Variants in NAA50 observed in about 807,000 individuals in gnomAD.
The protein encoded by NAA50 is N-alpha-acetyltransferase 50.
In NAA50, 7 loss-of-function variants were observed where a neutral mutation model predicts 20.7. The observed-to-expected ratio is 0.34, with a 90% CI of 0.19 to 0.63. The LOEUF (loss-of-function observed/expected upper bound fraction) is 0.63. NAA50 is among the 30% of genes least tolerant of loss of function. NAA50 has a pLI of 0.75. For synonymous variants in NAA50, 54 were observed against 70.6 expected (o/e 0.77, Z 1.18); for missense variants, 111 against 199.1 (o/e 0.56, Z 2.66).
chr3:113,727,577 C>T (rs961271309), intron 1 of NAA50, among the ~76,000 whole-genome samples: 1 of 150,558 alleles, frequency 6.6e-6, no homozygotes, highest in African/African-American at 2.4e-5. Context: ...CAATATTGAA[C>T]CATTAGGAAA....
chr3:113,739,038 G>A (rs1399089820), intron 1 of NAA50, among the ~76,000 whole-genome samples: 1 of 152,062 alleles, frequency 6.6e-6, no homozygotes, highest in East Asian at 1.9e-4. Context: ...AAAATGACCA[G>A]TAAAAATGGT....
intron 1 of NAA50, among the ~76,000 whole-genome samples, chr3:113,736,633 T>C (rs974454505): frequency 5.3e-5 from 8 of 152,196 alleles, no homozygotes; most frequent in Non-Finnish European, 1.2e-4. Flanking sequence ...AAACATTTAG[T>C]AGCAATATTC....
At chr3:113,727,022 G>A (rs1485178256) in intron 1 of NAA50, among the ~76,000 whole-genome samples, 7 of 152,148 alleles carry the variant, frequency 4.6e-5, no homozygotes, top group Non-Finnish European at 8.8e-5. Flanking sequence ...CAGTTCCTGA[G>A]CTCAAGTGAT....
At chr3:113,728,705 T>C (rs1268608865) in intron 1 of NAA50, among the ~76,000 whole-genome samples, 3 of 152,214 alleles carry the variant, frequency 2.0e-5, no homozygotes, top group African/African-American at 7.2e-5. Flanking sequence ...TCATTCAATC[T>C]TGTAGTTGTG....
intron 1 of NAA50, among the ~76,000 whole-genome samples, chr3:113,727,644 A>T (rs1343616035): frequency 4.6e-5 from 7 of 150,654 alleles, no homozygotes; most frequent in South Asian, 2.1e-4. Context: ...TTTTTTTTTT[A>T]AAGCACACCA....
intron 1 of NAA50, among the ~76,000 whole-genome samples, chr3:113,724,958 G>A (rs183844112): frequency 6.6e-6 from 1 of 152,202 alleles, no homozygotes; most frequent in Admixed American, 6.5e-5. Context: ...CTATCCCTGC[G>A]CAACTGTGAG....
Position 113,745,967 on chromosome 3 carries a change from G to A in NAA50, c.-18C>T, listed in dbSNP as rs1708492238. 1.2e-6 allele frequency: 2 copies of A among 1,606,146 alleles called. No individual in the cohort carries two copies. Among genetic ancestry groups the A allele is most frequent in the Non-Finnish European group, 1.7e-6 (2 of 1,179,482 alleles). On this transcript the variant is annotated 5_prime_UTR_variant, in exon 1 of 5. Transcript: ENST00000240922. The stretch of plus-strand genomic sequence containing the variant: ...CCTTTCATCTTCCCCGCCTGCTGAG[G>A]CCGTCGTTACCACCGATATCAACGC...
At chr3:113,722,620 A>C (rs1458777836) in intron 4 of NAA50, among the ~76,000 whole-genome samples, 2 of 152,178 alleles carry the variant, frequency 1.3e-5, no homozygotes, top group African/African-American at 4.8e-5. Context: ...TAGTATTAAT[A>C]GTCTTGAATT....
rs1265766612 is a variant in NAA50, at chr3:113,717,645, A to G, written c.*4115T>C. 6.6e-6 allele frequency: 1 copy of G among 152,192 alleles called. No homozygotes were observed. The highest frequency in any genetic ancestry group is 1.5e-5 in the Non-Finnish European group (1 of 68,054). The allele number at this position is 152,192 out of a possible 1,614,324, so 9.4% of individuals were successfully genotyped here. Reference sequence around the variant, plus strand: ...AAACTTCTATAGGCTTACTGTTCCTATTTGTGACTGTAGTATCCAATTTCC... The same window carrying G: ...AAACTTCTATAGGCTTACTGTTCCTGTTTGTGACTGTAGTATCCAATTTCC... On this transcript the variant is annotated 3_prime_UTR_variant, in exon 5 of 5. Coordinates refer to ENST00000240922, the MANE Select transcript of NAA50 (RefSeq NM_025146.4).
chr3:113,731,940 C>T lies in NAA50; in HGVS notation c.9-7845G>A, dbSNP rs183989342. ...GCTATGAATATTGCATAAAAGTCTG[C>T]GTGTGGACATACGCCTTAGTTTTTT... On this transcript the variant is annotated intron_variant, in intron 1 of 4. Transcript: ENST00000240922. 2.0e-5 allele frequency among the ~76,000 whole-genome samples: 3 copies of T among 152,200 alleles called. No individual in the cohort carries two copies. The East Asian group carries it at 5.8e-4, about 29-fold the overall frequency.
At chr3:113,742,362 A>G (rs1708429664) in intron 1 of NAA50, among the ~76,000 whole-genome samples, 1 of 151,826 alleles carries the variant, frequency 6.6e-6, no homozygotes, top group Non-Finnish European at 1.5e-5. Context: ...CCTGGGCTCA[A>G]GTGATCCTCC....
At position 113,722,009 on chromosome 3, in the gene NAA50, A is replaced by G. The variant is rs1056070380; in HGVS notation, c.333-72T>C. ...ATCAAGTTTTAAGCATTCTCCACAG[A>G]TAGCTCCAAACATCTGTTACATTCT... On this transcript the variant is annotated intron_variant, in intron 4 of 4. Coordinates refer to ENST00000240922, the MANE Select transcript of NAA50 (RefSeq NM_025146.4). 2.2e-6 allele frequency: 3 copies of G among 1,375,004 alleles called. No homozygotes were observed. The South Asian group carries it at 3.9e-5, about 18-fold the overall frequency. 85.2% of individuals were successfully genotyped at this position (1,375,004 alleles called of 1,614,324 possible).
At chr3:113,735,975 C>T (rs926173697) in intron 1 of NAA50, among the ~76,000 whole-genome samples, 2 of 152,218 alleles carry the variant, frequency 1.3e-5, no homozygotes, top group Non-Finnish European at 1.5e-5. Context: ...CGCAAGCCAC[C>T]GTGCCTGGCC....
At chr3:113,737,031 A>C (rs1473636342) in intron 1 of NAA50, among the ~76,000 whole-genome samples, 1 of 152,184 alleles carries the variant, frequency 6.6e-6, no homozygotes, top group Non-Finnish European at 1.5e-5. Context: ...CCCAAGAGAC[A>C]AATGTACCTA....
intron 1 of NAA50, among the ~76,000 whole-genome samples, chr3:113,727,139 T>C (rs1205098783): frequency 6.6e-6 from 1 of 152,236 alleles, no homozygotes; most frequent in Non-Finnish European, 1.5e-5. Flanking sequence ...GGATCACATC[T>C]TACCTACACT....
chr3:113,742,737 A>G (rs915668654), intron 1 of NAA50, among the ~76,000 whole-genome samples: 3 of 152,252 alleles, frequency 2.0e-5, no homozygotes, highest in East Asian at 1.9e-4. Context: ...AGTAGTCAAC[A>G]TTGTTCCATA....
At chr3:113,740,965 C>A in intron 1 of NAA50, 1 of 512,716 alleles carries the variant, frequency 2.0e-6, no homozygotes, top group Non-Finnish European at 3.9e-6. Context: ...TGAACTTTAC[C>A]GATGTTATCA....
rs1708090514 is a variant in NAA50, at chr3:113,718,428, T to C, written c.*3332A>G. 6.6e-6 allele frequency: 1 copy of C among 152,198 alleles called. No individual in the cohort carries two copies. Among genetic ancestry groups the C allele is most frequent in the East Asian group, 1.9e-4 (1 of 5,200 alleles). The allele number at this position is 152,198 out of a possible 1,614,324, so 9.4% of individuals were successfully genotyped here. A position where few individuals can be genotyped will look rare whatever the true frequency, so the allele number is the denominator to read the frequency against. ...ACTTGTTTGTTGTTTTAAACTACAG[T>C]AATAACTGAGACACACTAGACAAGG... On this transcript the variant is annotated 3_prime_UTR_variant, in exon 5 of 5. Transcript: ENST00000240922.
At position 113,743,826 on chromosome 3, in the gene NAA50, T is replaced by A. The variant is rs183085995; in HGVS notation, c.8+2116A>T. ...GGCCAGTTATTTCTAGGGATCTGCC[T>A]TCATCAGGTTACATGTAAATACCCA... is the stretch of plus-strand genomic sequence containing the variant. On this transcript the variant is annotated intron_variant, in intron 1 of 4. Coordinates refer to ENST00000240922, the MANE Select transcript of NAA50 (RefSeq NM_025146.4). Among the ~76,000 whole-genome samples, 3 of 152,338 alleles carry A rather than the reference T, an allele frequency of 2.0e-5. No homozygotes were observed. In the East Asian group the frequency reaches 5.8e-4, roughly 29 times the overall value.
Sources: allele counts gnomAD v4.1 joint callset (sites outside exome capture counted in the v4.1 genomes callset), GRCh38; gene constraint gnomAD v4.1.1; transcripts MANE v1.5; gene names NCBI Gene and HGNC (gene_info 2026-07-23, HGNC 2026-07-21).